Variants in EVA1C observed in about 807,000 individuals in gnomAD.
The protein encoded by EVA1C is protein eva-1 homolog C.
EVA1C carries 25 observed loss-of-function variants against 45.4 expected under a neutral mutation model. That is an observed-to-expected ratio of 0.55 (90% confidence interval 0.40 to 0.77). The LOEUF (loss-of-function observed/expected upper bound fraction) is 0.77. EVA1C is among the 30% of genes least tolerant of loss of function. The pLI is 0.00. For missense variants in EVA1C, 479 were observed against 554.8 expected (o/e 0.86, Z 1.37); for synonymous variants, 190 against 221.2 (o/e 0.86, Z 1.25).
At chr21:32,431,585 A>G (rs552848130) in intron 1 of EVA1C, among the ~76,000 whole-genome samples, 4 of 152,294 alleles carry the variant, frequency 2.6e-5, no homozygotes, top group East Asian at 1.9e-4. Context: ...ATCCTATTAC[A>G]TCGCCAAGGT....
At chr21:32,429,468 C>T (rs1461097256) in intron 1 of EVA1C, among the ~76,000 whole-genome samples, 3 of 151,982 alleles carry the variant, frequency 2.0e-5, no homozygotes, top group Non-Finnish European at 4.4e-5. Context: ...ATTCTCCTGC[C>T]TCAGCCTCCT....
intron 4 of EVA1C, among the ~76,000 whole-genome samples, chr21:32,483,945 A>T (rs1345053343): frequency 6.7e-6 from 1 of 148,836 alleles, no homozygotes; most frequent in African/African-American, 2.5e-5. Flanking sequence ...CTTTTATGAT[A>T]ATGTTCCTCA....
At position 32,412,722 on chromosome 21, in the gene EVA1C, C is replaced by A; in HGVS notation, c.-132C>A. ...CGCGCAGGGGAGGAGGCTCTGGCAG[C>A]CTGGGCAGGGAGGCGGCGGGGGGCC... On this transcript the variant is annotated 5_prime_UTR_variant, in exon 1 of 8. Transcript: ENST00000300255. 1.0e-6 allele frequency: 1 copy of A among 969,908 alleles called. No individual in the cohort carries two copies. The highest frequency in any genetic ancestry group is 1.4e-6 in the Non-Finnish European group (1 of 726,200). 60.1% of individuals were successfully genotyped at this position (969,908 alleles called of 1,614,324 possible). A position where few individuals can be genotyped will look rare whatever the true frequency, so the allele number is the denominator to read the frequency against.
At position 32,506,815 on chromosome 21, in the gene EVA1C, G is replaced by T. The variant is rs1395313981; in HGVS notation, c.949+2800G>T. ...CTGAGCTCCATCCTCACTGCTGCTGGAGAGAGGTGCCCAGACAACTCTCAG... is the reference window on the plus strand; with the variant it reads ...CTGAGCTCCATCCTCACTGCTGCTGTAGAGAGGTGCCCAGACAACTCTCAG... On this transcript the variant is annotated intron_variant, in intron 7 of 7. Transcript: ENST00000300255. Among the ~76,000 whole-genome samples the T allele has an allele frequency of 2.0e-5, 3 of 152,170 alleles. No homozygotes were observed. The South Asian group carries it at 6.2e-4, about 32-fold the overall frequency.
intron 4 of EVA1C, among the ~76,000 whole-genome samples, chr21:32,492,559 G>T (rs117483700): frequency 6.6e-6 from 1 of 152,160 alleles, no homozygotes; most frequent in African/African-American, 2.4e-5. Flanking sequence ...TGGGGTCCCT[G>T]CCCCTGTGCC....
At chr21:32,420,093 A>T (rs776235439) in intron 1 of EVA1C, among the ~76,000 whole-genome samples, 7 of 152,204 alleles carry the variant, frequency 4.6e-5, no homozygotes, top group Non-Finnish European at 8.8e-5. Flanking sequence ...CAGAGGCAGT[A>T]ACTTCTTTAC....
intron 1 of EVA1C, among the ~76,000 whole-genome samples, chr21:32,417,261 C>T (rs750171105): frequency 1.8e-4 from 27 of 152,234 alleles, no homozygotes; most frequent in Non-Finnish European, 3.2e-4. Flanking sequence ...ACACAAGGAA[C>T]ATTTATTTTA....
chr21:32,478,717 G>GT (rs397777812), intron 4 of EVA1C, among the ~76,000 whole-genome samples: 3 of 151,836 alleles, frequency 2.0e-5, no homozygotes, highest in Non-Finnish European at 4.4e-5. Flanking sequence ...TTTCCCGAAG[G>GT]CTGGGCCTGA....
At chr21:32,458,481 A>ATTTTTTTTTTTTTTTTTTTTTTTT (rs1555859600) in intron 3 of EVA1C, among the ~76,000 whole-genome samples, 1 of 141,142 alleles carries the variant, frequency 7.1e-6, no homozygotes. Context: ...GAAGTTAAGC[A>ATTTTTTTTTTTTTTTTTTTTTTTT]CTTTTTTTTT....
intron 3 of EVA1C, among the ~76,000 whole-genome samples, chr21:32,464,699 G>A (rs748628975): frequency 6.6e-6 from 1 of 152,146 alleles, no homozygotes; most frequent in African/African-American, 2.4e-5. Context: ...GCGCATGCCT[G>A]TAATCCCAGC....
Position 32,515,246 on chromosome 21 carries a change from G to A in EVA1C, c.*56G>A. 1 of 1,518,132 alleles carries A rather than the reference G, an allele frequency of 6.6e-7. No individual in the cohort carries two copies. Among genetic ancestry groups the A allele is most frequent in the Non-Finnish European group, 8.9e-7 (1 of 1,129,254 alleles). 94.0% of individuals were successfully genotyped at this position (1,518,132 alleles called of 1,614,324 possible). A position where few individuals can be genotyped will look rare whatever the true frequency, so the allele number is the denominator to read the frequency against. On this transcript the variant is annotated 3_prime_UTR_variant, in exon 8 of 8. Transcript: ENST00000300255. ...TTCTGAAGAAGGAAGGATCCCAAAT[G>A]CCCCTCCAGTTCTGGTTCACCTGTA...
chr21:32,460,561 T>A (rs2035959735), intron 3 of EVA1C, among the ~76,000 whole-genome samples: 1 of 152,126 alleles, frequency 6.6e-6, no homozygotes, highest in South Asian at 2.1e-4. Flanking sequence ...AGAGCAAATG[T>A]TCACCCAGCA....
intron 1 of EVA1C, among the ~76,000 whole-genome samples, chr21:32,430,767 G>A (rs958500042): frequency 1.3e-5 from 2 of 152,086 alleles, no homozygotes; most frequent in African/African-American, 4.8e-5. Context: ...GAGATCAGGA[G>A]TTTGAGACTA....
At chr21:32,496,103 C>G (rs2037344361) in intron 5 of EVA1C, among the ~76,000 whole-genome samples, 1 of 152,130 alleles carries the variant, frequency 6.6e-6, no homozygotes, top group Non-Finnish European at 1.5e-5. Context: ...CATTCGCATC[C>G]CCCCAAAAGA....
At chr21:32,462,268 C>G (rs888114341) in intron 3 of EVA1C, among the ~76,000 whole-genome samples, 3 of 151,478 alleles carry the variant, frequency 2.0e-5, no homozygotes, top group African/African-American at 7.3e-5. Flanking sequence ...ATGGCAGGCA[C>G]CTGCAGTCCT....
intron 4 of EVA1C, among the ~76,000 whole-genome samples, chr21:32,468,336 C>T (rs1255666105): frequency 1.3e-5 from 2 of 151,806 alleles, no homozygotes; most frequent in Non-Finnish European, 2.9e-5. Flanking sequence ...GCCATTATTG[C>T]GCTCCAGCCT....
At chr21:32,504,153 AG>A in intron 7 of EVA1C, 138 bp downstream of exon 7, 1 of 635,520 alleles carries the variant, frequency 1.6e-6, no homozygotes. Context: ...ACCACTTCTA[AG>A]ATTCAGAAAC....
chr21:32,467,974 C>CACAAGA, intron 4 of EVA1C, 126 bp downstream of exon 4: 1 of 559,590 alleles, frequency 1.8e-6, no homozygotes, highest in Non-Finnish European at 2.6e-6. Context: ...CAATCACGAT[C>CACAAGA]TTGTGATCGT....
chr21:32,420,141 TA>T (rs1157755847), intron 1 of EVA1C, among the ~76,000 whole-genome samples: 2 of 151,796 alleles, frequency 1.3e-5, no homozygotes, highest in South Asian at 4.2e-4. Flanking sequence ...GTTGGTGAGT[TA>T]AAAATACTTT....
Sources: allele counts gnomAD v4.1 joint callset (sites outside exome capture counted in the v4.1 genomes callset), GRCh38; gene constraint gnomAD v4.1.1; transcripts MANE v1.5; gene names NCBI Gene and HGNC (gene_info 2026-07-23, HGNC 2026-07-21).